Variants in TTC7A observed in about 807,000 individuals in gnomAD.
TTC7A encodes tetratricopeptide repeat domain 7A, also known as tetratricopeptide repeat protein 7A.
Under a neutral mutation model 103.7 loss-of-function variants are expected in TTC7A, and 110 were observed. The ratio of observed to expected loss-of-function variants is 1.06; its 90% confidence interval spans 0.91 to 1.24. The LOEUF (loss-of-function observed/expected upper bound fraction) is 1.24, where lower values mean the gene tolerates loss of function less well. Among genes scored for constraint, TTC7A ranks in the 50% most tolerant of loss-of-function variants. TTC7A has a pLI of 0.00. For synonymous variants in TTC7A, 521 were observed against 467.9 expected, an observed-to-expected ratio of 1.11 and a Z score of -1.47; for missense variants, 1,340 against 1,116.3, an observed-to-expected ratio of 1.20 and a Z score of -2.86.
intron 3 of TTC7A, among the ~76,000 whole-genome samples, chr2:46,969,285 C>T (rs983423439): frequency 2.0e-5 from 3 of 151,834 alleles, no homozygotes; most frequent in Admixed American, 6.6e-5. Context: ...GGGTGGATCA[C>T]GAGGTCAGGA....
intron 5 of TTC7A, among the ~76,000 whole-genome samples, chr2:46,986,017 A>T (rs1044292910): frequency 3.3e-5 from 5 of 152,128 alleles, no homozygotes; most frequent in Admixed American, 3.3e-4. Context: ...CGCCCTGGCC[A>T]AGTGTGACAC....
intron 15 of TTC7A, chr2:47,034,283 C>T (rs1274279009): frequency 6.6e-6 from 1 of 152,208 alleles, no homozygotes; most frequent in Non-Finnish European, 1.5e-5. Context: ...CAGGGGGCCT[C>T]AGGGGGCAGC....
chr2:47,071,717 T>G (rs1684739803), intron 19 of TTC7A, among the ~76,000 whole-genome samples: 1 of 152,146 alleles, frequency 6.6e-6, no homozygotes, highest in Admixed American at 6.5e-5. Context: ...AGGAAGTTAC[T>G]GCAAACCTCC....
chr2:46,941,713 T>A lies in TTC7A; in HGVS notation c.172T>A (p.Phe58Ile). 1 of 1,550,390 alleles carries A rather than the reference T, an allele frequency of 6.4e-7. No homozygotes were observed. Among genetic ancestry groups the A allele is most frequent in the Non-Finnish European group, 8.7e-7 (1 of 1,147,182 alleles). ...RRGSPSAAFTFPDTDDFGKLL... is the reference protein window; with the variant it reads ...RRGSPSAAFTIPDTDDFGKLL... ...AGGCAGCCCGAGCGCAGCGTTCACC[T>A]TTCCGGACACCGGTGAGTAAGGGAA... The change falls in exon 1 of 20, where the codon TTT becomes ATT. Residue 58 changes from phenylalanine (F) to isoleucine (I), a missense_variant. Phe to Ile is a conservative substitution (Grantham distance 21, BLOSUM62 0). Coordinates refer to ENST00000319190, the MANE Select transcript of TTC7A (RefSeq NM_020458.4). The surrounding 1 kb of genome is among the most constrained non-coding windows in gnomAD (Gnocchi z 4.2).
chr2:47,033,167 TGAG>T (rs775119372), intron 15 of TTC7A, among the ~76,000 whole-genome samples: 10 of 152,360 alleles, frequency 6.6e-5, no homozygotes, highest in East Asian at 1.9e-4. Flanking sequence ...GCTCTGCATT[TGAG>T]GAGAAGCCCT....
At chr2:47,069,370 C>T (rs1684468588) in intron 19 of TTC7A, among the ~76,000 whole-genome samples, 1 of 152,158 alleles carries the variant, frequency 6.6e-6, no homozygotes, top group South Asian at 2.1e-4. Flanking sequence ...TTCTACATCT[C>T]ACTTGTAAAG....
At chr2:46,958,916 A>G (rs1281350733) in intron 3 of TTC7A, among the ~76,000 whole-genome samples, 1 of 152,156 alleles carries the variant, frequency 6.6e-6, no homozygotes, top group Non-Finnish European at 1.5e-5. Flanking sequence ...CACAGAGTTC[A>G]CAGAATGCTG....
chr2:46,984,382 GCCCTGAACAGGTTCCCC>G (rs1674788440), intron 5 of TTC7A, among the ~76,000 whole-genome samples: 2 of 152,232 alleles, frequency 1.3e-5, no homozygotes, highest in Non-Finnish European at 2.9e-5. Flanking sequence ...CCACTCTGTG[GCCCTGAACAGGTTCCCC>G]CTCTGCCCCT....
chr2:47,069,443 C>T (rs1684475085), intron 19 of TTC7A, among the ~76,000 whole-genome samples: 1 of 152,178 alleles, frequency 6.6e-6, no homozygotes, highest in African/African-American at 2.4e-5. Flanking sequence ...AGGTTGGGCT[C>T]CTTGTGAGTC....
chr2:47,012,734 G>T (rs1209413237), intron 11 of TTC7A, among the ~76,000 whole-genome samples: 2 of 152,140 alleles, frequency 1.3e-5, no homozygotes, highest in Non-Finnish European at 2.9e-5. Flanking sequence ...CATCGCAGCA[G>T]GGCTTGCCTT....
intron 19 of TTC7A, among the ~76,000 whole-genome samples, chr2:47,070,528 T>C (rs1430923076): frequency 6.6e-6 from 1 of 152,160 alleles, no homozygotes; most frequent in Non-Finnish European, 1.5e-5. Context: ...GCGCTGTCCC[T>C]CTCAGCCTGG....
intron 14 of TTC7A, among the ~76,000 whole-genome samples, chr2:47,025,321 C>G (rs1030866907): frequency 6.6e-6 from 1 of 152,144 alleles, no homozygotes; most frequent in East Asian, 1.9e-4. Flanking sequence ...CCACTGAGGC[C>G]GAGCCAGCAT....
rs1572670688 is a variant in TTC7A, at chr2:46,941,568, C to T, written c.27C>T (p.Ser9=). 1.9e-6 allele frequency: 3 copies of T among 1,557,114 alleles called. No homozygotes were observed. Among genetic ancestry groups the T allele is most frequent in the African/African-American group, 1.4e-5 (1 of 73,504 alleles). Residue 9 remains serine (S), a synonymous_variant, in exon 1 of 20, where the codon TCC becomes TCT. Transcript: ENST00000319190. This position sits in a 1 kb window ranked among gnomAD's most constrained non-coding sequence, Gnocchi z 4.2. Reference sequence around the variant, plus strand: ...TGGCTGCGAAGGGCGCGCACGGCTCCTACCTGAAGGTGGAGAGCGAGCTGG... The same window carrying T: ...TGGCTGCGAAGGGCGCGCACGGCTCTTACCTGAAGGTGGAGAGCGAGCTGG... The part of the protein sequence containing the change: MAAKGAHG[S]YLKVESELER...
At chr2:47,028,764 A>C (rs2104588421) in intron 14 of TTC7A, among the ~76,000 whole-genome samples, 2 of 152,292 alleles carry the variant, frequency 1.3e-5, no homozygotes, top group South Asian at 4.1e-4. Flanking sequence ...CACTGTGCCC[A>C]CATTAGAGGC....
At chr2:46,942,866 G>T (rs189334682) in intron 1 of TTC7A, among the ~76,000 whole-genome samples, 16 of 152,200 alleles carry the variant, frequency 1.1e-4, no homozygotes, top group Admixed American at 7.9e-4. Context: ...TGTTTGTGGG[G>T]TTTTTTTGGT....
chr2:47,046,560 TC>T (rs951349350), intron 16 of TTC7A, 129 bp downstream of exon 16: 2 of 706,710 alleles, frequency 2.8e-6, no homozygotes, highest in African/African-American at 3.5e-5. Flanking sequence ...GCGTGGAACT[TC>T]CTGCCCACAG....
chr2:47,031,527 G>T (rs1267744895), intron 15 of TTC7A, among the ~76,000 whole-genome samples: 4 of 152,168 alleles, frequency 2.6e-5, no homozygotes, highest in Non-Finnish European at 5.9e-5. Flanking sequence ...AAAGGAAAGG[G>T]CTCTTTGTCC....
chr2:46,930,054 T>C (rs1669608750), intron 2 of TTC7A, among the ~76,000 whole-genome samples: 1 of 152,166 alleles, frequency 6.6e-6, no homozygotes, highest in Non-Finnish European at 1.5e-5. Context: ...GTGAAAGCCC[T>C]GAGATTTTGG....
intron 19 of TTC7A, among the ~76,000 whole-genome samples, chr2:47,069,692 T>TGA (rs1684496359): frequency 6.6e-6 from 1 of 152,154 alleles, no homozygotes; most frequent in Non-Finnish European, 1.5e-5. Context: ...TTGGACAGGT[T>TGA]GAGGCTGACA....
Sources: allele counts gnomAD v4.1 joint callset (sites outside exome capture counted in the v4.1 genomes callset), GRCh38; gene constraint gnomAD v4.1.1; non-coding constraint Gnocchi (gnomAD v3.1); transcripts MANE v1.5; gene names NCBI Gene and HGNC (gene_info 2026-07-23, HGNC 2026-07-21).